Variants in DAAM1 observed in about 807,000 individuals in gnomAD.
DAAM1 encodes the protein disheveled-associated activator of morphogenesis 1.
Under a neutral mutation model 130.0 loss-of-function variants are expected in DAAM1, and 52 were observed. The ratio of observed to expected loss-of-function variants is 0.40; its 90% CI spans 0.32 to 0.50. DAAM1 has a LOEUF of 0.50. Ranked by LOEUF, DAAM1 falls within the 20% of genes least tolerant of loss-of-function variation. DAAM1 has a pLI of 0.61. For missense variants in DAAM1, 1,134 were observed against 1,303.8 expected (o/e 0.87, Z 2.01); for synonymous variants, 452 against 444.5 (o/e 1.02, Z -0.21).
intron 1 of DAAM1, among the ~76,000 whole-genome samples, chr14:59,209,628 A>G (rs1052845580): frequency 3.9e-5 from 6 of 152,138 alleles, no homozygotes; most frequent in African/African-American, 1.4e-4. Flanking sequence ...GTGTTAGGTA[A>G]TTTTGCCCAA....
At chr14:59,353,317 T>C (rs929927609) in intron 18 of DAAM1, among the ~76,000 whole-genome samples, 4 of 152,148 alleles carry the variant, frequency 2.6e-5, no homozygotes, top group Admixed American at 1.3e-4. Context: ...TTTTCTCCTT[T>C]AGGGGTGTAG....
Position 59,331,399 on chromosome 14 carries a change from G to C in DAAM1, c.1751G>C (p.Gly584Ala), listed in dbSNP as rs1156736780. The C allele has an allele frequency of 6.2e-7, 1 of 1,613,460 alleles. No homozygotes were observed. Among genetic ancestry groups the C allele is most frequent in the South Asian group, 1.1e-5 (1 of 91,026 alleles). ...PPPPPGPPPL[G>A]AIMPPPGAPM... ...CCTCCCCCAGGGCCTCCTCCCTTAG[G>C]GGCAATCATGCCACCTCCTGGTGCT... Residue 584 changes from glycine (G) to alanine (A), a missense_variant, in exon 14 of 25, where the codon GGG (glycine) becomes GCG (alanine). Physicochemically the swap from Gly to Ala is moderately conservative, Grantham distance 60. Coordinates refer to ENST00000360909, the MANE Select transcript of DAAM1 (RefSeq NM_001270520.2).
chr14:59,292,485 A>G (rs1234646372), intron 3 of DAAM1, among the ~76,000 whole-genome samples: 1 of 152,150 alleles, frequency 6.6e-6, no homozygotes, highest in Non-Finnish European at 1.5e-5. Context: ...CAGTGAGCCT[A>G]TGTGAGTGGC....
At chr14:59,218,878 C>T (rs79715827) in intron 1 of DAAM1, among the ~76,000 whole-genome samples, 2,785 of 152,260 alleles carry the variant, frequency 0.018, 39 homozygotes, top group Non-Finnish European at 0.027. Context: ...TTCCCTTCCC[C>T]CGGCCCTCCA....
intron 5 of DAAM1, among the ~76,000 whole-genome samples, chr14:59,321,128 CA>C (rs11292687): frequency 0.38 from 57,464 of 151,438 alleles, 10,990 homozygotes; most frequent in African/African-American, 0.43. Flanking sequence ...AATTTGGCTA[CA>C]AAAAAAAGGA....
intron 23 of DAAM1, 114 bp downstream of exon 23, chr14:59,363,896 T>TGCAGGAAATAAAGTAGTAGATA (rs1886812174): frequency 6.9e-7 from 1 of 1,444,920 alleles, no homozygotes; most frequent in African/African-American, 1.4e-5. Flanking sequence ...AACTTCGTGG[T>TGCAGGAAATAAAGTAGTAGATA]GCAGGAAATA....
Position 59,326,021 on chromosome 14 carries a change from A to G in DAAM1, c.1118A>G (p.His373Arg). 1 of 1,614,218 alleles carries G rather than the reference A, an allele frequency of 6.2e-7. No individual in the cohort carries two copies. The highest frequency in any genetic ancestry group is 1.1e-5 in the South Asian group (1 of 91,092). Residue 373 changes from histidine (H) to arginine (R), a missense_variant, in exon 10 of 25, where the codon CAT becomes CGT. This residue lies in a region of DAAM1 where 391 missense variants were observed against 521.6 expected (regional missense o/e 0.75). Coordinates refer to ENST00000360909, the MANE Select transcript of DAAM1 (RefSeq NM_001270520.2). ...GAGCTGACCAGGAAGAGGCTGACAC[A>G]TAGTGAAGCTTACCCGCATTTCATG... is the stretch of plus-strand genomic sequence containing the variant. ...MFELTRKRLT[H>R]SEAYPHFMSI... is the part of the protein sequence containing the mutation.
chr14:59,257,176 T>A (rs948657770), intron 1 of DAAM1, among the ~76,000 whole-genome samples: 1 of 152,160 alleles, frequency 6.6e-6, no homozygotes, highest in Non-Finnish European at 1.5e-5. Flanking sequence ...CTTGGTGGGT[T>A]TGAAAACGGA....
chr14:59,302,286 T>A (rs945188273), intron 3 of DAAM1, among the ~76,000 whole-genome samples: 1 of 152,230 alleles, frequency 6.6e-6, no homozygotes, highest in African/African-American at 2.4e-5. Context: ...GAGAATGTCC[T>A]TGTGTTTGTG....
intron 23 of DAAM1, among the ~76,000 whole-genome samples, chr14:59,366,646 G>T (rs1886928262): frequency 6.6e-6 from 1 of 152,166 alleles, no homozygotes; most frequent in African/African-American, 2.4e-5. Context: ...AGGTAGACAG[G>T]AATAAATGGT....
chr14:59,289,784 A>ATATATATATATATATAC, intron 2 of DAAM1, among the ~76,000 whole-genome samples: 2 of 128,700 alleles, frequency 1.6e-5, no homozygotes, highest in African/African-American at 5.7e-5. Context: ...ATATATATAT[A>ATATATATATATATATAC]ATGGAATGCT....
intron 3 of DAAM1, among the ~76,000 whole-genome samples, chr14:59,294,815 G>C (rs1051814377): frequency 6.6e-6 from 1 of 152,166 alleles, no homozygotes; most frequent in East Asian, 1.9e-4. Context: ...ACAAAAAGGC[G>C]TCTGGCCATG....
At chr14:59,357,277 T>C (rs1404054984) in intron 20 of DAAM1, 1 of 152,224 alleles carries the variant, frequency 6.6e-6, no homozygotes, top group Non-Finnish European at 1.5e-5. Flanking sequence ...AAAAATAGGC[T>C]CACTCTTCCT....
Position 59,330,683 on chromosome 14 carries a change from A to G in DAAM1, c.1555A>G (p.Ser519Gly). 1 of 1,605,784 alleles carries G rather than the reference A, an allele frequency of 6.2e-7. No individual in the cohort carries two copies. The highest frequency in any genetic ancestry group is 1.7e-5 in the Admixed American group (1 of 59,188). The change falls in exon 13 of 25, where the codon AGC becomes GGC. Residue 519 changes from serine (S) to glycine (G), a missense_variant. Ser to Gly is a moderately conservative substitution (Grantham distance 56). Around this residue, in one of 3 missense-constraint regions of DAAM1, gnomAD observed 644 missense variants for 695.9 expected, o/e 0.93. Coordinates refer to ENST00000360909, the MANE Select transcript of DAAM1 (RefSeq NM_001270520.2). Reference protein sequence around the residue: ...ADLTAQLHELSRRAVCASIPG... With the variant: ...ADLTAQLHELGRRAVCASIPG... ...CCTCACAGCACAGCTCCATGAGCTC[A>G]GCAGGGTGAGGTCTTCCGCTCAGCT...
chr14:59,354,121 C>T lies in DAAM1; in HGVS notation c.2356+157C>T, dbSNP rs940614566. Among the ~76,000 whole-genome samples the T allele has an allele frequency of 5.3e-5, 8 of 150,448 alleles. No homozygotes were observed. In the East Asian group the frequency reaches 1.2e-3, roughly 22 times the overall value. On this transcript the variant is annotated intron_variant, in intron 19 of 24. Transcript: ENST00000360909. ...AGTTGCCCAGGCTGGAGTGCAGTAG[C>T]GCGATCTTGGCTCAGTGCAAGCTCC... is the stretch of plus-strand genomic sequence containing the variant.
intron 3 of DAAM1, among the ~76,000 whole-genome samples, chr14:59,309,638 T>G (rs959206821): frequency 6.6e-6 from 1 of 152,174 alleles, no homozygotes; most frequent in Non-Finnish European, 1.5e-5. Flanking sequence ...AACAGCAGAG[T>G]TGAATAGCTA....
intron 20 of DAAM1, among the ~76,000 whole-genome samples, chr14:59,358,361 G>A (rs1412345200): frequency 6.6e-6 from 1 of 152,206 alleles, no homozygotes; most frequent in Non-Finnish European, 1.5e-5. Context: ...CAGAGAGGGA[G>A]CTGGCACAAC....
At chr14:59,285,429 A>G (rs181070770) in intron 2 of DAAM1, among the ~76,000 whole-genome samples, 2 of 152,298 alleles carry the variant, frequency 1.3e-5, no homozygotes, top group South Asian at 2.1e-4. Flanking sequence ...AAATCCTCAC[A>G]TATTAATATG....
intron 15 of DAAM1, among the ~76,000 whole-genome samples, chr14:59,335,805 A>C (rs931108141): frequency 1.3e-5 from 2 of 152,158 alleles, no homozygotes; most frequent in Non-Finnish European, 2.9e-5. Flanking sequence ...TGTAATACAC[A>C]AGACATTTTG....
Sources: gnomAD v4.1 joint callset for allele counts (sites outside exome capture counted in the v4.1 genomes callset) on GRCh38, gnomAD v4.1.1 for gene constraint, gnomAD v4.1.1 regional missense constraint, MANE v1.5 for transcripts, NCBI Gene and HGNC (gene_info 2026-07-23, HGNC 2026-07-21) for gene names.